POLN: variants seen among roughly 807,000 people sequenced by gnomAD.
The protein encoded by POLN is DNA polymerase N.
A neutral mutation model predicts 113.5 loss-of-function variants in POLN; 108 were observed. The ratio of observed to expected loss-of-function variants is 0.95; its 90% CI spans 0.81 to 1.12. POLN has a LOEUF of 1.12. Ranked by LOEUF, POLN falls within the 50% of genes most tolerant of loss-of-function variation. The pLI is 0.00. For synonymous variants in POLN, 386 were observed against 391.5 expected, an observed-to-expected ratio of 0.99 and a Z score of 0.17; for missense variants, 1,097 against 1,077.1, an observed-to-expected ratio of 1.02 and a Z score of -0.26.
chr4:2,199,296 C>T (rs1166819302), intron 5 of POLN, among the ~76,000 whole-genome samples: 2 of 151,936 alleles, frequency 1.3e-5, no homozygotes, highest in Admixed American at 6.6e-5. Flanking sequence ...ACCTAAATAA[C>T]GAAGACATAT....
intron 3 of POLN, among the ~76,000 whole-genome samples, chr4:2,224,618 T>C (rs1734339478): frequency 6.6e-6 from 1 of 152,138 alleles, no homozygotes; most frequent in Non-Finnish European, 1.5e-5. Context: ...TTTATACACC[T>C]GGTAGTGCAG....
At chr4:2,241,874 C>CCGCCCCAGCTCCT (rs1735002560) in intron 1 of POLN, 84 bp from the exon 2 acceptor site, 1 of 985,416 alleles carries the variant, frequency 1.0e-6, no homozygotes, top group Non-Finnish European at 1.2e-6. Flanking sequence ...CGCACAGCCC[C>CCGCCCCAGCTCCT]CGCCCCAGCT....
intron 17 of POLN, among the ~76,000 whole-genome samples, chr4:2,130,538 G>A (rs984039792): frequency 6.6e-6 from 1 of 152,208 alleles, no homozygotes; most frequent in Non-Finnish European, 1.5e-5. Flanking sequence ...AGAAAGAAGA[G>A]TGTTCATGTG....
At chr4:2,094,768 G>A (rs1444337753) in intron 20 of POLN, among the ~76,000 whole-genome samples, 3 of 152,094 alleles carry the variant, frequency 2.0e-5, no homozygotes, top group East Asian at 1.9e-4. Context: ...GTTTTGGGGC[G>A]GGGCACTCTG....
intron 13 of POLN, among the ~76,000 whole-genome samples, chr4:2,166,568 G>T (rs945824484): frequency 6.6e-5 from 10 of 152,322 alleles, no homozygotes; most frequent in African/African-American, 2.4e-4. Context: ...GTGGGTTGGT[G>T]GACTGAGCAG....
intron 13 of POLN, among the ~76,000 whole-genome samples, chr4:2,161,035 CTCTT>C (rs1057009786): frequency 1.3e-5 from 2 of 152,228 alleles, no homozygotes; most frequent in African/African-American, 4.8e-5. Flanking sequence ...CTCTCTCCCT[CTCTT>C]TCTTTTTGAG....
intron 2 of POLN, chr4:2,240,441 A>C (rs1560106943): frequency 1.2e-6 from 2 of 1,613,970 alleles, no homozygotes; most frequent in Non-Finnish European, 1.7e-6. Flanking sequence ...TTCATCAGTA[A>C]GAGCCTGAAG....
chr4:2,166,855 T>C (rs937870984), intron 13 of POLN, among the ~76,000 whole-genome samples: 2 of 152,138 alleles, frequency 1.3e-5, no homozygotes, highest in East Asian at 3.9e-4. Flanking sequence ...GGTCTCCAGC[T>C]TGAAGAAGGC....
chr4:2,230,488 T>C (rs1242622613), intron 2 of POLN: 7 of 152,052 alleles, frequency 4.6e-5, no homozygotes, highest in African/African-American at 1.7e-4. Flanking sequence ...AAAAAGTTGC[T>C]CAGGTGATAG....
At chr4:2,186,402 G>A (rs1173166295) in intron 7 of POLN, among the ~76,000 whole-genome samples, 2 of 152,138 alleles carry the variant, frequency 1.3e-5, no homozygotes, top group East Asian at 3.9e-4. Flanking sequence ...CATGTTGTAG[G>A]AGGTACATCC....
chr4:2,235,746 A>T (rs1734737204), intron 2 of POLN, among the ~76,000 whole-genome samples: 1 of 151,942 alleles, frequency 6.6e-6, no homozygotes, highest in Non-Finnish European at 1.5e-5. Context: ...ACAGTCTAGG[A>T]ATATATATAT....
In POLN at chr4:2,211,067, A is replaced by G. The variant is rs183843663; in HGVS notation, c.213+1980T>C. On this transcript the variant is annotated intron_variant, in intron 4 of 25. Transcript: ENST00000511885. ...GGAGTTCGAGACTAGCCTGGCCAAC[A>G]TGGTGAAACCCCATCTCTATTAAAA... Among the ~76,000 whole-genome samples, 548 of 150,448 alleles carry G rather than the reference A, an allele frequency of 3.6e-3. 4 individuals carry two copies. The highest frequency in any genetic ancestry group is 0.012 in the African/African-American group (484 of 41,278).
chr4:2,177,177 CA>C (rs1733018170), intron 8 of POLN: 1 of 336,666 alleles, frequency 3.0e-6, no homozygotes, highest in Non-Finnish European at 6.0e-6. Context: ...TTCCACACCC[CA>C]AAACTGACCA....
At chr4:2,092,419 G>A (rs1178753053) in intron 20 of POLN, among the ~76,000 whole-genome samples, 1 of 152,202 alleles carries the variant, frequency 6.6e-6, no homozygotes, top group African/African-American at 2.4e-5. Flanking sequence ...CCGTCAGGCT[G>A]GGGACGGACA....
rs769914712 is a variant in POLN at position 2,176,367 on chromosome 4, G to C, written c.1180-33C>G. 12 of 1,531,278 alleles carry C rather than the reference G, an allele frequency of 7.8e-6. No individual in the cohort carries two copies. In the South Asian group the frequency reaches 1.1e-4, roughly 14 times the overall value. 94.9% of individuals were successfully genotyped at this position (1,531,278 alleles called of 1,614,324 possible). A position where few individuals can be genotyped will look rare whatever the true frequency, so the allele number is the denominator to read the frequency against. On this transcript the variant is annotated intron_variant, in intron 8 of 25. Transcript: ENST00000511885. ...AGAGCAAAAGTATTTTTAAAAATCAGATAAACTTGGTGGCAGTGCTCACCA... is the reference window on the plus strand; with the variant it reads ...AGAGCAAAAGTATTTTTAAAAATCACATAAACTTGGTGGCAGTGCTCACCA...
intron 5 of POLN, among the ~76,000 whole-genome samples, chr4:2,201,894 T>G (rs138735567): frequency 3.3e-4 from 50 of 152,216 alleles, no homozygotes; most frequent in African/African-American, 1.2e-3. Context: ...TCAGCCTCCT[T>G]AAACAAAACA....
At chr4:2,206,593 G>A (rs1733851072) in intron 5 of POLN, among the ~76,000 whole-genome samples, 1 of 152,108 alleles carries the variant, frequency 6.6e-6, no homozygotes, top group Non-Finnish European at 1.5e-5. Flanking sequence ...CTAAGGACAT[G>A]AATAGACAAT....
intron 23 of POLN, chr4:2,079,019 TC>T: frequency 1.3e-6 from 1 of 748,104 alleles, no homozygotes; most frequent in Non-Finnish European, 1.6e-6. Context: ...AGCCTTGAAC[TC>T]CCAGGCTCAG....
intron 23 of POLN, 83 bp downstream of exon 23, chr4:2,080,875 A>G (rs2108689180): frequency 6.2e-7 from 1 of 1,607,048 alleles, no homozygotes; most frequent in Non-Finnish European, 8.5e-7. Context: ...GATGGTGATC[A>G]TCAGAATCAC....
Sources: gnomAD v4.1 joint callset for allele counts (sites outside exome capture counted in the v4.1 genomes callset) on GRCh38, gnomAD v4.1.1 for gene constraint, MANE v1.5 for transcripts, NCBI Gene and HGNC (gene_info 2026-07-23, HGNC 2026-07-21) for gene names.